The following HS6ST3 variants were observed in gnomAD, a reference collection of about 807,000 sequenced individuals.
The protein encoded by HS6ST3 is heparan sulfate 6-O-sulfotransferase 3.
Under a neutral mutation model 36.7 loss-of-function variants are expected in HS6ST3, and 12 were observed. The ratio of observed to expected loss-of-function variants is 0.33; its 90% CI spans 0.21 to 0.53. HS6ST3 has a LOEUF of 0.53. HS6ST3 is among the 20% of genes least tolerant of loss of function. HS6ST3 has a pLI of 0.95. For missense variants in HS6ST3, 584 were observed against 640.9 expected, an observed-to-expected ratio of 0.91 and a Z score of 0.96; for synonymous variants, 240 against 257.5, an observed-to-expected ratio of 0.93 and a Z score of 0.65.
intron 1 of HS6ST3, among the ~76,000 whole-genome samples, chr13:96,657,473 A>G (rs1003649834): frequency 6.6e-6 from 1 of 152,144 alleles, no homozygotes; most frequent in Non-Finnish European, 1.5e-5. Context: ...GTGAGCTGAG[A>G]TCATTTCACT....
At chr13:96,292,562 C>T (rs2054835332) in intron 1 of HS6ST3, among the ~76,000 whole-genome samples, 1 of 151,942 alleles carries the variant, frequency 6.6e-6, no homozygotes, top group Admixed American at 6.6e-5. Flanking sequence ...ATTTTAGTTA[C>T]CTTTCTATTA....
intron 1 of HS6ST3, among the ~76,000 whole-genome samples, chr13:96,622,443 A>G (rs570552297): frequency 6.6e-6 from 1 of 152,134 alleles, no homozygotes; most frequent in African/African-American, 2.4e-5. Flanking sequence ...CAGTCTGACT[A>G]ATTTTTACTT....
At chr13:96,691,304 C>T (rs963164214) in intron 1 of HS6ST3, among the ~76,000 whole-genome samples, 9 of 152,002 alleles carry the variant, frequency 5.9e-5, no homozygotes, top group African/African-American at 2.2e-4. Flanking sequence ...TATAAGATGG[C>T]AGTTAGCTTC....
chr13:96,169,242 C>T (rs566330827), intron 1 of HS6ST3, among the ~76,000 whole-genome samples: 1 of 132,854 alleles, frequency 7.5e-6, no homozygotes, highest in East Asian at 2.3e-4. Flanking sequence ...CTGGGAGTTT[C>T]TCATGTCCAG....
chr13:96,248,342 T>G (rs2054593456), intron 1 of HS6ST3, among the ~76,000 whole-genome samples: 1 of 152,192 alleles, frequency 6.6e-6, no homozygotes, highest in South Asian at 2.1e-4. Flanking sequence ...CCAGAGGGTT[T>G]GGCCTTTCCT....
chr13:96,265,917 G>C lies in HS6ST3; in HGVS notation c.707+174348G>C, dbSNP rs868397440. On this transcript the variant is annotated intron_variant, in intron 1 of 1. Transcript: ENST00000376705. Reference sequence around the variant, plus strand: ...GTCTGTGAGGAATATTGGGTAGTTTGCTTCACTTCGTTGTGGCTTTTTCCT... The same window carrying C: ...GTCTGTGAGGAATATTGGGTAGTTTCCTTCACTTCGTTGTGGCTTTTTCCT... Among the ~76,000 whole-genome samples the C allele has an allele frequency of 3.3e-5, 5 of 152,276 alleles. No homozygotes were observed. The South Asian group carries it at 1.0e-3, about 32-fold the overall frequency.
intron 1 of HS6ST3, among the ~76,000 whole-genome samples, chr13:96,204,499 G>C (rs2054359799): frequency 1.3e-5 from 2 of 151,866 alleles, no homozygotes; most frequent in South Asian, 4.1e-4. Flanking sequence ...GGGTCAAGTG[G>C]ATAGATATCT....
At chr13:96,241,786 C>CTTT (rs1235986148) in intron 1 of HS6ST3, among the ~76,000 whole-genome samples, 1 of 131,424 alleles carries the variant, frequency 7.6e-6, no homozygotes, top group Non-Finnish European at 1.6e-5. Context: ...TTTTTTCTTT[C>CTTT]TTTTTTTTTT....
chr13:96,727,582 T>G (rs1876038443), intron 1 of HS6ST3, among the ~76,000 whole-genome samples: 1 of 152,084 alleles, frequency 6.6e-6, no homozygotes, highest in Non-Finnish European at 1.5e-5. Flanking sequence ...CTCTTTTAAC[T>G]GCCCGAATAA....
chr13:96,254,089 A>G (rs1027029598), intron 1 of HS6ST3, among the ~76,000 whole-genome samples: 15 of 152,202 alleles, frequency 9.9e-5, no homozygotes, highest in African/African-American at 3.6e-4. Flanking sequence ...TTACAAATAT[A>G]ACTTTTCCAC....
At chr13:96,475,073 CT>C (rs111456614) in intron 1 of HS6ST3, among the ~76,000 whole-genome samples, 4,759 of 145,672 alleles carry the variant, frequency 0.033, 233 homozygotes, top group African/African-American at 0.11. Context: ...AGTGAGGCTA[CT>C]TTTTTTTTTT....
intron 1 of HS6ST3, among the ~76,000 whole-genome samples, chr13:96,132,956 A>AT (rs966334310): frequency 1.6e-3 from 233 of 148,760 alleles, no homozygotes; most frequent in African/African-American, 5.0e-3. Flanking sequence ...TTATTTGCCC[A>AT]TTTTTTTTTA....
rs565054794 is a variant in HS6ST3, at chr13:96,658,832, A to G, written c.708-173658A>G. Among the ~76,000 whole-genome samples, 13 of 151,956 alleles carry G rather than the reference A, an allele frequency of 8.6e-5. No individual in the cohort carries two copies. In the South Asian group the frequency reaches 2.1e-3, roughly 24 times the overall value. On this transcript the variant is annotated intron_variant, in intron 1 of 1. Transcript: ENST00000376705. ...GCAGTTCTCGTGCCTCAGCCTCCCA[A>G]CTAGCTGGGATTACAGGCATGCACC... is the stretch of plus-strand genomic sequence containing the variant.
At position 96,833,077 on chromosome 13, in the gene HS6ST3, AGAAGCGG is replaced by A. The variant is rs1878844172; in HGVS notation, c.1296_1302del (p.Gln432HisfsTer36). 1.2e-6 allele frequency: 2 copies of A among 1,611,896 alleles called. No individual in the cohort carries two copies. The highest frequency in any genetic ancestry group is 1.1e-5 in the South Asian group (1 of 91,088). ...CAGCTAGAGCACCAGAGGGACCGCC[AGAAGCGG>A]CGGGAGGAGCGGAGGCTGCAGCGAG... is the stretch of plus-strand genomic sequence containing the variant. On this transcript the variant is annotated frameshift_variant, in exon 2 of 2. Transcript: ENST00000376705. LOFTEE classifies it high-confidence loss of function.
At chr13:96,272,973 G>A (rs1187134821) in intron 1 of HS6ST3, among the ~76,000 whole-genome samples, 1 of 151,846 alleles carries the variant, frequency 6.6e-6, no homozygotes, top group Non-Finnish European at 1.5e-5. Flanking sequence ...AACAAACAAG[G>A]ATACAATGAA....
intron 1 of HS6ST3, among the ~76,000 whole-genome samples, chr13:96,445,458 C>T (rs1263034827): frequency 6.6e-6 from 1 of 152,012 alleles, no homozygotes; most frequent in Non-Finnish European, 1.5e-5. Flanking sequence ...TAAAGAATAA[C>T]TAAAGCCTAT....
intron 1 of HS6ST3, among the ~76,000 whole-genome samples, chr13:96,760,609 C>A (rs140112242): frequency 6.6e-6 from 1 of 152,108 alleles, no homozygotes; most frequent in African/African-American, 2.4e-5. Flanking sequence ...CACTGTAGTA[C>A]CAAGAAGTAT....
chr13:96,121,996 C>T (rs1277877524), intron 1 of HS6ST3, among the ~76,000 whole-genome samples: 1 of 152,052 alleles, frequency 6.6e-6, no homozygotes, highest in Non-Finnish European at 1.5e-5. Flanking sequence ...TGGTCATACT[C>T]ATTTACTCTT....
At chr13:96,505,036 C>G (rs748824344) in intron 1 of HS6ST3, among the ~76,000 whole-genome samples, 15 of 152,126 alleles carry the variant, frequency 9.9e-5, no homozygotes, top group Non-Finnish European at 1.9e-4. Flanking sequence ...ATTTTTGTGG[C>G]ATCCTTTCTG....
Sources: gnomAD v4.1 joint callset for allele counts (sites outside exome capture counted in the v4.1 genomes callset) on GRCh38, gnomAD v4.1.1 for gene constraint, MANE v1.5 for transcripts, NCBI Gene and HGNC (gene_info 2026-07-23, HGNC 2026-07-21) for gene names.